Variants in HNRNPR observed in about 807,000 individuals in gnomAD.
The protein encoded by HNRNPR is heterogeneous nuclear ribonucleoprotein R.
In HNRNPR, 4 loss-of-function variants were observed where a neutral mutation model predicts 70.3. The observed-to-expected ratio is 0.06, with a 90% CI of 0.03 to 0.13. The LOEUF is 0.13. Among genes scored for constraint, HNRNPR ranks in the 10% least tolerant of loss-of-function variants. HNRNPR has a pLI of 1.00. For synonymous variants in HNRNPR, 241 were observed against 267.6 expected (o/e 0.90, Z 0.97); for missense variants, 423 against 788.5 (o/e 0.54, Z 5.55).
rs1645207263 is a variant in HNRNPR, at chr1:23,306,682, A to G, written c.*3772T>C. 1.3e-5 allele frequency: 2 copies of G among 152,160 alleles called. No individual in the cohort carries two copies. The highest frequency in any genetic ancestry group is 4.8e-5 in the African/African-American group (2 of 41,464). 9.4% of individuals were successfully genotyped at this position (152,160 alleles called of 1,614,324 possible). Reference sequence around the variant, plus strand: ...ATATGTACTTTTATTTAAAGAAAAAAAACTTTTCTAGAAGGATTAACAATA... The same window carrying G: ...ATATGTACTTTTATTTAAAGAAAAAGAACTTTTCTAGAAGGATTAACAATA... On this transcript the variant is annotated 3_prime_UTR_variant, in exon 11 of 11. Transcript: ENST00000302271.
chr1:23,332,765 G>C (rs1381473399), intron 5 of HNRNPR, among the ~76,000 whole-genome samples: 1 of 151,440 alleles, frequency 6.6e-6, no homozygotes, highest in African/African-American at 2.4e-5. Context: ...ACTTGGTTGG[G>C]CACTGTGGCT....
intron 6 of HNRNPR, 79 bp from the exon 7 acceptor site, chr1:23,321,742 A>AT (rs912767632): frequency 4.9e-6 from 7 of 1,432,830 alleles, no homozygotes; most frequent in Non-Finnish European, 5.7e-6. Context: ...AAATTCAACA[A>AT]TTTAAGGCCA....
rs1424377410 is a variant in HNRNPR, at chr1:23,307,971, T to C, written c.*2483A>G. The stretch of plus-strand genomic sequence containing the variant: ...CCTCCCTCAACTGACATTTTTCAGG[T>C]TTATATATTACACTGTTAGATTTAT... On this transcript the variant is annotated 3_prime_UTR_variant, in exon 11 of 11. Transcript: ENST00000302271. 1 of 152,012 alleles carries C rather than the reference T, an allele frequency of 6.6e-6. No homozygotes were observed. The highest frequency in any genetic ancestry group is 2.4e-5 in the African/African-American group (1 of 41,430). The allele number at this position is 152,012 out of a possible 1,614,324, so 9.4% of individuals were successfully genotyped here. A position where few individuals can be genotyped will look rare whatever the true frequency, so the allele number is the denominator to read the frequency against.
At chr1:23,341,248 G>C (rs2103910) in intron 1 of HNRNPR, among the ~76,000 whole-genome samples, 3 of 151,700 alleles carry the variant, frequency 2.0e-5, no homozygotes, top group Non-Finnish European at 4.4e-5. Flanking sequence ...CATGTACACC[G>C]GGTAAGATAA....
chr1:23,336,384 T>C (rs1646485687), intron 4 of HNRNPR, among the ~76,000 whole-genome samples: 1 of 150,464 alleles, frequency 6.6e-6, no homozygotes, highest in Non-Finnish European at 1.5e-5. Context: ...GCTAACATAG[T>C]GAAACCCTGT....
At chr1:23,344,000 G>C (rs1399138487) in intron 1 of HNRNPR, among the ~76,000 whole-genome samples, 2 of 152,140 alleles carry the variant, frequency 1.3e-5, no homozygotes, top group East Asian at 1.9e-4. Flanking sequence ...TAAAGGGGCG[G>C]GGGGAGGAAG....
chr1:23,318,728 C>T lies in HNRNPR; in HGVS notation c.812-40G>A. 1.3e-6 allele frequency: 2 copies of T among 1,597,146 alleles called. No homozygotes were observed. The highest frequency in any genetic ancestry group is 1.7e-6 in the Non-Finnish European group (2 of 1,166,666). On this transcript the variant is annotated intron_variant, in intron 7 of 10. Transcript: ENST00000302271. This position sits in a 1 kb window ranked among gnomAD's most constrained non-coding sequence, Gnocchi z 4.2. ...GCCAGATATATAAGCCAAAAGCATC[C>T]ACCACACATCTAGCGATTAGGCAGA... is the stretch of plus-strand genomic sequence containing the variant.
At chr1:23,338,765 T>C (rs936497364) in intron 2 of HNRNPR, among the ~76,000 whole-genome samples, 157 bp from the exon 3 acceptor site, 3 of 152,138 alleles carry the variant, frequency 2.0e-5, no homozygotes, top group Admixed American at 6.5e-5. Context: ...AAATACTACA[T>C]AGAAAGGTCC....
At chr1:23,326,198 G>GT (rs200562309) in intron 5 of HNRNPR, among the ~76,000 whole-genome samples, 17,269 of 147,632 alleles carry the variant, frequency 0.12, 1,135 homozygotes, top group South Asian at 0.22. Flanking sequence ...CCATCCGTAC[G>GT]TTTTTTTTTT....
intron 4 of HNRNPR, among the ~76,000 whole-genome samples, chr1:23,333,861 C>T (rs1646345436): frequency 2.0e-5 from 3 of 152,110 alleles, no homozygotes; most frequent in South Asian, 4.1e-4. Context: ...GTCTTACCTC[C>T]TTCATGCAGC....
rs1220422461 is a variant in HNRNPR at position 23,307,906 on chromosome 1, C to T, written c.*2548G>A. On this transcript the variant is annotated 3_prime_UTR_variant, in exon 11 of 11. Transcript: ENST00000302271. Reference sequence around the variant, plus strand: ...AAATTCCTTACACTCATAATTTGTACCTAATTTAAAAAAAAAAAAATGCCA... The same window carrying T: ...AAATTCCTTACACTCATAATTTGTATCTAATTTAAAAAAAAAAAAATGCCA... 3.4e-5 allele frequency: 5 copies of T among 145,352 alleles called. No individual in the cohort carries two copies. The highest frequency in any genetic ancestry group is 6.8e-5 in the Admixed American group (1 of 14,778). 9.0% of individuals were successfully genotyped at this position (145,352 alleles called of 1,614,324 possible). A position where few individuals can be genotyped will look rare whatever the true frequency, so the allele number is the denominator to read the frequency against.
chr1:23,334,298 G>A (rs1416213269), intron 4 of HNRNPR, among the ~76,000 whole-genome samples: 5 of 143,338 alleles, frequency 3.5e-5, no homozygotes, highest in Non-Finnish European at 6.0e-5. Context: ...GTGCAGTAGC[G>A]CGATCTCGGC....
chr1:23,332,404 TAAAAAAAA>T (rs11445510), intron 5 of HNRNPR, among the ~76,000 whole-genome samples: 1 of 145,840 alleles, frequency 6.9e-6, no homozygotes, highest in East Asian at 2.0e-4. Flanking sequence ...TTATTGATAT[TAAAAAAAA>T]AAAAACTTGG....
In HNRNPR at chr1:23,344,218, G is replaced by C. The variant is rs1472325003; in HGVS notation, c.-17C>G. 6.6e-6 allele frequency: 1 copy of C among 152,470 alleles called. No homozygotes were observed. The highest frequency in any genetic ancestry group is 1.5e-5 in the Non-Finnish European group (1 of 68,176). 9.4% of individuals were successfully genotyped at this position (152,470 alleles called of 1,614,324 possible). On this transcript the variant is annotated 5_prime_UTR_variant, in exon 1 of 11. Coordinates refer to ENST00000302271, the MANE Select transcript of HNRNPR (RefSeq NM_005826.5). Reference sequence around the variant, plus strand: ...GGCCGGCGCGAGACTCACCAGGGCAGAGCGGGGGCCGGCAGCCGGGCCCGT... The same window carrying C: ...GGCCGGCGCGAGACTCACCAGGGCACAGCGGGGGCCGGCAGCCGGGCCCGT...
At chr1:23,328,008 AAAAAAG>A (rs1313755107) in intron 5 of HNRNPR, among the ~76,000 whole-genome samples, 10 of 151,456 alleles carry the variant, frequency 6.6e-5, no homozygotes, top group Non-Finnish European at 1.5e-4. Flanking sequence ...AAAAAAAAAA[AAAAAAG>A]AAAAGAAAAA....
intron 5 of HNRNPR, among the ~76,000 whole-genome samples, chr1:23,332,981 C>T (rs1465633125): frequency 5.3e-5 from 8 of 152,116 alleles, no homozygotes; most frequent in African/African-American, 1.7e-4. Context: ...GTCAGGAGTT[C>T]GAGACCAGCC....
chr1:23,342,338 G>C (rs747352696), intron 1 of HNRNPR, among the ~76,000 whole-genome samples: 2 of 152,166 alleles, frequency 1.3e-5, no homozygotes. Flanking sequence ...GGAGGTAATA[G>C]AGAGTAGGAA....
chr1:23,342,352 G>A (rs1646734724), intron 1 of HNRNPR, among the ~76,000 whole-genome samples: 1 of 152,156 alleles, frequency 6.6e-6, no homozygotes, highest in African/African-American at 2.4e-5. Context: ...GTAGGAAGAA[G>A]AAGAAAATGC....
intron 2 of HNRNPR, among the ~76,000 whole-genome samples, 195 bp from the exon 3 acceptor site, chr1:23,338,803 T>C (rs1296304665): frequency 6.6e-6 from 1 of 152,070 alleles, no homozygotes; most frequent in African/African-American, 2.4e-5. Context: ...AAAGATAAAA[T>C]GTCAACAACC....
Sources: allele counts gnomAD v4.1 joint callset (sites outside exome capture counted in the v4.1 genomes callset), GRCh38; gene constraint gnomAD v4.1.1; non-coding constraint Gnocchi (gnomAD v3.1); transcripts MANE v1.5; gene names NCBI Gene and HGNC (gene_info 2026-07-23, HGNC 2026-07-21).